Variants in SETD3 observed in about 807,000 individuals in gnomAD.
SETD3 encodes SET domain containing 3, actin N3(tau)-histidine methyltransferase.
Under a neutral mutation model 63.0 loss-of-function variants are expected in SETD3, and 19 were observed. The ratio of observed to expected loss-of-function variants is 0.30; its 90% CI spans 0.21 to 0.44. The LOEUF (loss-of-function observed/expected upper bound fraction) is 0.44, where lower values mean the gene tolerates loss of function less well. Among genes scored for constraint, SETD3 ranks in the 20% least tolerant of loss-of-function variants. The pLI is 1.00. For missense variants in SETD3, 587 were observed against 728.5 expected (o/e 0.81, Z 2.24); for synonymous variants, 286 against 264.1 (o/e 1.08, Z -0.80).
At chr14:99,430,050 G>T (rs532457896) in intron 6 of SETD3, among the ~76,000 whole-genome samples, 1 of 152,354 alleles carries the variant, frequency 6.6e-6, no homozygotes, top group South Asian at 2.1e-4. Context: ...CTCAAGATGG[G>T]CCTGATGGGC....
At chr14:99,432,506 T>C (rs1205658944) in intron 6 of SETD3, among the ~76,000 whole-genome samples, 1 of 152,242 alleles carries the variant, frequency 6.6e-6, no homozygotes, top group African/African-American at 2.4e-5. Flanking sequence ...AAAGCAAAAC[T>C]TCAGTTCCAT....
chr14:99,415,320 C>G (rs927305274), intron 6 of SETD3, among the ~76,000 whole-genome samples: 5 of 152,032 alleles, frequency 3.3e-5, no homozygotes, highest in African/African-American at 1.2e-4. Flanking sequence ...AAATTTGGAG[C>G]CCCCACTAAG....
At chr14:99,403,451 ACACACTCT>A (rs1376723888) in intron 11 of SETD3, among the ~76,000 whole-genome samples, 14 of 107,048 alleles carry the variant, frequency 1.3e-4, no homozygotes, top group African/African-American at 5.7e-4. Flanking sequence ...ACACACACAC[ACACACTCT>A]CTCTCTCTCT....
intron 6 of SETD3, among the ~76,000 whole-genome samples, chr14:99,438,749 C>T (rs531695433): frequency 6.6e-5 from 10 of 152,170 alleles, no homozygotes; most frequent in Admixed American, 5.2e-4. Context: ...TGACCATGTG[C>T]CCCTACAGGA....
intron 6 of SETD3, among the ~76,000 whole-genome samples, chr14:99,451,021 A>G (rs1297175204): frequency 1.3e-5 from 2 of 152,178 alleles, no homozygotes; most frequent in Non-Finnish European, 2.9e-5. Flanking sequence ...GGGTCTATTA[A>G]TTTATTTTTC....
chr14:99,472,019 C>T (rs1895730897), intron 1 of SETD3, among the ~76,000 whole-genome samples: 2 of 152,318 alleles, frequency 1.3e-5, no homozygotes, highest in South Asian at 4.1e-4. Flanking sequence ...TAGCTTCAAA[C>T]CTGAAATCCT....
intron 11 of SETD3, among the ~76,000 whole-genome samples, chr14:99,400,883 TA>T (rs1390005551): frequency 5.9e-5 from 9 of 152,354 alleles, no homozygotes; most frequent in Non-Finnish European, 1.0e-4. Context: ...CTCACGCCTG[TA>T]ATCCCAGCAC....
At chr14:99,406,618 T>A (rs1891697231) in intron 8 of SETD3, 28 bp from the exon 9 acceptor site, 5 of 1,602,440 alleles carry the variant, frequency 3.1e-6, no homozygotes, top group Admixed American at 1.7e-5. Context: ...AAGGAAATGA[T>A]GGTGAGGCAA....
chr14:99,469,070 T>C (rs1364039134), intron 1 of SETD3, among the ~76,000 whole-genome samples: 1 of 152,254 alleles, frequency 6.6e-6, no homozygotes, highest in Non-Finnish European at 1.5e-5. Flanking sequence ...ATTAAAAATA[T>C]GGTTACAATG....
intron 6 of SETD3, among the ~76,000 whole-genome samples, chr14:99,435,579 C>T (rs1595199042): frequency 6.6e-6 from 1 of 152,152 alleles, no homozygotes; most frequent in Non-Finnish European, 1.5e-5. Context: ...CACACCTAGT[C>T]CAAGAATCCC....
At chr14:99,414,350 G>A (rs555097111) in intron 6 of SETD3, among the ~76,000 whole-genome samples, 2 of 152,298 alleles carry the variant, frequency 1.3e-5, no homozygotes, top group Admixed American at 1.3e-4. Flanking sequence ...CTTCTGAGAG[G>A]GTTCAAATCC....
At chr14:99,403,453 A>ACTCTCTCTCT (rs1188702914) in intron 11 of SETD3, among the ~76,000 whole-genome samples, 596 of 106,040 alleles carry the variant, frequency 5.6e-3, no homozygotes, top group African/African-American at 0.012. Context: ...ACACACACAC[A>ACTCTCTCTCT]CACTCTCTCT....
intron 1 of SETD3, among the ~76,000 whole-genome samples, chr14:99,475,975 T>C (rs1190236465): frequency 6.6e-6 from 1 of 152,244 alleles, no homozygotes; most frequent in East Asian, 1.9e-4. Flanking sequence ...ATTCATGCTG[T>C]CATGTTATTT....
At chr14:99,480,249 G>A (rs867770722) in intron 1 of SETD3, among the ~76,000 whole-genome samples, 3 of 152,090 alleles carry the variant, frequency 2.0e-5, no homozygotes, top group African/African-American at 4.8e-5. Context: ...GGTGACGGGA[G>A]GAAGGAAGGA....
At chr14:99,439,592 G>C (rs7144486) in intron 6 of SETD3, among the ~76,000 whole-genome samples, 3 of 147,452 alleles carry the variant, frequency 2.0e-5, no homozygotes, top group Non-Finnish European at 3.0e-5. Context: ...TATAAATATA[G>C]AAAACATATC....
chr14:99,479,298 T>C (rs1896135649), intron 1 of SETD3, among the ~76,000 whole-genome samples: 1 of 152,176 alleles, frequency 6.6e-6, no homozygotes, highest in Admixed American at 6.5e-5. Context: ...ACTACTTTCT[T>C]AGGCCGAAGA....
intron 8 of SETD3, chr14:99,410,256 T>C: frequency 6.2e-7 from 1 of 1,613,202 alleles, no homozygotes; most frequent in Non-Finnish European, 8.5e-7. Flanking sequence ...CAGACCTGTG[T>C]GCACGGAGGG....
At chr14:99,478,406 T>TA (rs1471595795) in intron 1 of SETD3, among the ~76,000 whole-genome samples, 1 of 152,088 alleles carries the variant, frequency 6.6e-6, no homozygotes, top group Non-Finnish European at 1.5e-5. Context: ...AACCAGTCTC[T>TA]AAAGATAAAT....
Position 99,465,603 on chromosome 14 carries a change from A to C in SETD3, c.103+100T>G, listed in dbSNP as rs943747661. On this transcript the variant is annotated intron_variant, in intron 2 of 12. Transcript: ENST00000331768. ...CCCACAGCTAATAAGCTTGGACCTG[A>C]ATACCAGCTTGTCTGATGCACGCGT... The C allele has an allele frequency of 7.6e-6, 7 of 925,774 alleles. No individual in the cohort carries two copies. In the African/African-American group the frequency reaches 9.8e-5, roughly 13 times the overall value. The allele number at this position is 925,774 out of a possible 1,614,324, so 57.3% of individuals were successfully genotyped here. A position where few individuals can be genotyped will look rare whatever the true frequency, so the allele number is the denominator to read the frequency against.
Sources: gnomAD v4.1 joint callset for allele counts (sites outside exome capture counted in the v4.1 genomes callset) on GRCh38, gnomAD v4.1.1 for gene constraint, MANE v1.5 for transcripts, NCBI Gene and HGNC (gene_info 2026-07-23, HGNC 2026-07-21) for gene names.